GARNL3: variants seen among roughly 807,000 people sequenced by gnomAD.
GARNL3 encodes the protein GTPase activating Rap/RanGAP domain like 3.
A neutral mutation model predicts 125.0 loss-of-function variants in GARNL3; 63 were observed. The ratio of observed to expected loss-of-function variants is 0.50; its 90% CI spans 0.41 to 0.62. The LOEUF (loss-of-function observed/expected upper bound fraction) is 0.62. Ranked by LOEUF, GARNL3 falls within the 20% of genes least tolerant of loss-of-function variation. GARNL3 has a pLI of 0.00. For missense variants in GARNL3, 994 were observed against 1,244.0 expected (o/e 0.80, Z 3.02); for synonymous variants, 439 against 457.5 (o/e 0.96, Z 0.52).
intron 2 of GARNL3, among the ~76,000 whole-genome samples, chr9:127,305,554 ATTTTAATTTTTTTTAAT>A (rs1365575645): frequency 4.0e-5 from 6 of 151,856 alleles, no homozygotes; most frequent in African/African-American, 1.2e-4. Context: ...GGTAACTTTT[ATTTTAATTTTTTTTAAT>A]TTTTAATTTT....
chr9:127,246,327 A>T (rs1387715323), intron 2 of GARNL3, among the ~76,000 whole-genome samples: 1 of 152,160 alleles, frequency 6.6e-6, no homozygotes, highest in East Asian at 1.9e-4. Flanking sequence ...GAATGGTGGG[A>T]TTGATTTGGG....
At chr9:127,309,147 G>T (rs1252045596) in intron 2 of GARNL3, among the ~76,000 whole-genome samples, 1 of 151,924 alleles carries the variant, frequency 6.6e-6, no homozygotes, top group Non-Finnish European at 1.5e-5. Flanking sequence ...GGCTTAAAAG[G>T]CAGGACATAA....
intron 1 of GARNL3, among the ~76,000 whole-genome samples, chr9:127,225,633 C>T (rs1050269480): frequency 1.3e-4 from 19 of 151,664 alleles, no homozygotes; most frequent in African/African-American, 3.4e-4. Flanking sequence ...GGTCCAGTGG[C>T]AGGCCCCGCA....
Position 127,338,235 on chromosome 9 carries a change from C to G in GARNL3, c.1028+74C>G, listed in dbSNP as rs1235160213. ...TAATTTAGCATTGATTTTTACAAGA[C>G]TCTTGATATACATATTTCTTGATTG... is the stretch of plus-strand genomic sequence containing the variant. On this transcript the variant is annotated intron_variant, in intron 12 of 27. Transcript: ENST00000373387. The G allele has an allele frequency of 7.9e-6, 9 of 1,136,064 alleles. No homozygotes were observed. The East Asian group carries it at 2.1e-4, about 27-fold the overall frequency. The allele number at this position is 1,136,064 out of a possible 1,614,324, so 70.4% of individuals were successfully genotyped here. A position where few individuals can be genotyped will look rare whatever the true frequency, so the allele number is the denominator to read the frequency against.
intron 1 of GARNL3, among the ~76,000 whole-genome samples, chr9:127,271,932 A>G (rs868501591): frequency 2.0e-5 from 3 of 150,358 alleles, no homozygotes. Context: ...CTCCCCTGCT[A>G]TATAGGAAAT....
intron 25 of GARNL3, chr9:127,388,293 GC>G: frequency 6.7e-6 from 1 of 149,898 alleles, no homozygotes; most frequent in East Asian, 1.9e-4. Flanking sequence ...TCCAGCCTGA[GC>G]GACAGAACAA....
chr9:127,317,716 A>AAAAAC (rs1243246481), intron 4 of GARNL3, among the ~76,000 whole-genome samples: 5 of 151,166 alleles, frequency 3.3e-5, no homozygotes, highest in African/African-American at 9.7e-5. Flanking sequence ...ACTCTGTCTC[A>AAAAAC]AAAACAAAAC....
chr9:127,337,579 A>G (rs529299541), intron 11 of GARNL3, among the ~76,000 whole-genome samples: 2 of 152,168 alleles, frequency 1.3e-5, no homozygotes, highest in Admixed American at 6.5e-5. Flanking sequence ...CTTTCCTACT[A>G]TTTTAGACTC....
Position 127,392,883 on chromosome 9 carries a change from C to T in GARNL3, c.2871-200C>T, listed in dbSNP as rs1192897870. On this transcript the variant is annotated intron_variant, in intron 27 of 27. Coordinates refer to ENST00000373387, the MANE Select transcript of GARNL3 (RefSeq NM_032293.5). This position sits in a 1 kb window ranked among gnomAD's most constrained non-coding sequence, Gnocchi z 5.2. Reference sequence around the variant, plus strand: ...TGCCTCACAAACACCTTCCATGTGTCACACACTCGGCCTTTAATCCTCAAA... The same window carrying T: ...TGCCTCACAAACACCTTCCATGTGTTACACACTCGGCCTTTAATCCTCAAA... 6.6e-6 allele frequency among the ~76,000 whole-genome samples: 1 copy of T among 152,194 alleles called. No individual in the cohort carries two copies. The highest frequency in any genetic ancestry group is 1.5e-5 in the Non-Finnish European group (1 of 68,030).
chr9:127,267,075 A>G (rs2063720875), intron 1 of GARNL3, among the ~76,000 whole-genome samples: 1 of 152,144 alleles, frequency 6.6e-6, no homozygotes, highest in Non-Finnish European at 1.5e-5. Flanking sequence ...ATTGATATTG[A>G]TATTGCTGGT....
intron 2 of GARNL3, chr9:127,299,995 T>G: frequency 4.6e-6 from 1 of 215,800 alleles, no homozygotes; most frequent in Non-Finnish European, 9.5e-6. Context: ...TGAGCCACCA[T>G]GTCCGGCCAT....
At chr9:127,315,087 C>T (rs1480211950) in intron 4 of GARNL3, among the ~76,000 whole-genome samples, 1 of 152,202 alleles carries the variant, frequency 6.6e-6, no homozygotes, top group East Asian at 1.9e-4. Flanking sequence ...AGTGCCAGTG[C>T]CTTCACCCAA....
chr9:127,355,045 G>A (rs1450669390), intron 19 of GARNL3, among the ~76,000 whole-genome samples: 3 of 152,172 alleles, frequency 2.0e-5, no homozygotes, highest in African/African-American at 4.8e-5. Flanking sequence ...CGCCCGCCTC[G>A]GCCTCTCTAA....
At chr9:127,297,945 A>G (rs1371182918) in intron 2 of GARNL3, among the ~76,000 whole-genome samples, 1 of 152,224 alleles carries the variant, frequency 6.6e-6, no homozygotes, top group African/African-American at 2.4e-5. Context: ...AGTTTCTCTT[A>G]TGAGAAAGAC....
intron 2 of GARNL3, among the ~76,000 whole-genome samples, chr9:127,298,396 C>A (rs994889638): frequency 6.6e-6 from 1 of 152,142 alleles, no homozygotes; most frequent in Non-Finnish European, 1.5e-5. Flanking sequence ...CCAAGCTGGT[C>A]TCAAACTCCT....
At chr9:127,300,347 G>T in intron 2 of GARNL3, 1 of 254,664 alleles carries the variant, frequency 3.9e-6, no homozygotes, top group South Asian at 4.4e-5. Context: ...AACCTTTTCT[G>T]GTATGGCCTT....
At chr9:127,296,535 G>A (rs1006820587) in intron 2 of GARNL3, among the ~76,000 whole-genome samples, 4 of 145,664 alleles carry the variant, frequency 2.7e-5, no homozygotes, top group Non-Finnish European at 4.5e-5. Flanking sequence ...GCAATGGCGC[G>A]ATCTTGGCTC....
intron 2 of GARNL3, among the ~76,000 whole-genome samples, chr9:127,294,801 G>C (rs928878043): frequency 6.6e-6 from 1 of 152,200 alleles, no homozygotes; most frequent in Non-Finnish European, 1.5e-5. Flanking sequence ...GCTGAGCCCT[G>C]GATGTAGGAT....
chr9:127,327,268 G>A (rs961911050), intron 7 of GARNL3, among the ~76,000 whole-genome samples: 17 of 152,156 alleles, frequency 1.1e-4, no homozygotes, highest in Admixed American at 9.2e-4. Flanking sequence ...AGTCTGGTGG[G>A]GTAAGACAAG....
Sources: allele counts gnomAD v4.1 joint callset (sites outside exome capture counted in the v4.1 genomes callset), GRCh38; gene constraint gnomAD v4.1.1; non-coding constraint Gnocchi (gnomAD v3.1); transcripts MANE v1.5; gene names NCBI Gene and HGNC (gene_info 2026-07-23, HGNC 2026-07-21).